The following MYO18B variants were observed in gnomAD, a reference collection of about 807,000 sequenced individuals.
The protein encoded by MYO18B is myosin XVIIIB.
MYO18B carries 204 observed loss-of-function variants against 273.0 expected under a neutral mutation model. That is an observed-to-expected ratio of 0.75 (90% CI 0.67 to 0.84). MYO18B has a LOEUF of 0.84. Among genes scored for constraint, MYO18B ranks in the 40% least tolerant of loss-of-function variants. The pLI is 0.00. For synonymous variants in MYO18B, 1,330 were observed against 1,305.7 expected (o/e 1.02, Z -0.40); for missense variants, 3,212 against 3,287.6 (o/e 0.98, Z 0.56).
chr22:25,753,115 C>T (rs999288605), intron 1 of MYO18B, among the ~76,000 whole-genome samples: 1 of 152,218 alleles, frequency 6.6e-6, no homozygotes, highest in African/African-American at 2.4e-5. Context: ...CGGCCAGAGC[C>T]TCCACGGCAC....
intron 39 of MYO18B, among the ~76,000 whole-genome samples, chr22:25,963,600 G>T (rs1435735128): frequency 6.7e-6 from 1 of 149,290 alleles, no homozygotes; most frequent in Non-Finnish European, 1.5e-5. Flanking sequence ...TCCCAATAAG[G>T]TCCCATTCTG....
chr22:25,851,149 T>C (rs1431175553), intron 20 of MYO18B, among the ~76,000 whole-genome samples: 2 of 152,128 alleles, frequency 1.3e-5, no homozygotes, highest in South Asian at 2.1e-4. Context: ...CCTGCATGAG[T>C]TCTCAGAGCC....
intron 11 of MYO18B, among the ~76,000 whole-genome samples, chr22:25,790,625 T>C (rs1201678302): frequency 6.6e-6 from 1 of 152,234 alleles, no homozygotes; most frequent in African/African-American, 2.4e-5. Context: ...TAAAGGTATG[T>C]TGAGTAAATA....
chr22:25,819,003 C>A (rs1300659227), intron 12 of MYO18B, among the ~76,000 whole-genome samples: 1 of 152,096 alleles, frequency 6.6e-6, no homozygotes, highest in African/African-American at 2.4e-5. Context: ...TGTTATTGCC[C>A]AGTTCCTTTT....
chr22:25,775,844 T>G (rs1569001255), intron 7 of MYO18B, among the ~76,000 whole-genome samples: 2 of 151,502 alleles, frequency 1.3e-5, no homozygotes, highest in Non-Finnish European at 2.9e-5. Flanking sequence ...CGATCATCTC[T>G]GTCTTCCCAC....
chr22:25,986,151 T>C (rs2093200339), intron 39 of MYO18B, among the ~76,000 whole-genome samples: 1 of 152,234 alleles, frequency 6.6e-6, no homozygotes, highest in Admixed American at 6.5e-5. Flanking sequence ...AGCTTAGCTC[T>C]AGATCTTTTC....
chr22:25,763,046 C>T (rs766424039), intron 2 of MYO18B, 185 bp from the exon 3 acceptor site: 15 of 768,888 alleles, frequency 2.0e-5, no homozygotes, highest in African/African-American at 3.4e-5. Context: ...CATTTTCATG[C>T]GCTGTCTCAG....
intron 38 of MYO18B, among the ~76,000 whole-genome samples, chr22:25,954,561 T>C (rs1029127450): frequency 2.0e-5 from 3 of 152,098 alleles, no homozygotes; most frequent in Non-Finnish European, 4.4e-5. Context: ...ACAGGTACTA[T>C]CATCATCCCT....
At chr22:25,984,627 A>AAAT (rs34901412) in intron 39 of MYO18B, among the ~76,000 whole-genome samples, 8 of 150,508 alleles carry the variant, frequency 5.3e-5, no homozygotes, top group South Asian at 4.2e-4. Context: ...CTGTTTCTAC[A>AAAT]AATAATAATA....
chr22:25,989,786 A>T (rs2093244370), intron 39 of MYO18B, among the ~76,000 whole-genome samples: 1 of 151,416 alleles, frequency 6.6e-6, no homozygotes, highest in Admixed American at 6.6e-5. Context: ...AAAAAAAAAA[A>T]AAGAGTGGAG....
chr22:25,894,940 G>A, intron 27 of MYO18B: 1 of 532,282 alleles, frequency 1.9e-6, no homozygotes, highest in East Asian at 3.2e-5. Context: ...AAGAACTTTA[G>A]ACAGTTGGAG....
At chr22:26,013,252 A>G (rs1261715075) in intron 42 of MYO18B, among the ~76,000 whole-genome samples, 2 of 152,142 alleles carry the variant, frequency 1.3e-5, no homozygotes, top group Non-Finnish European at 2.9e-5. Flanking sequence ...ATGTCTGGAG[A>G]CATTTTTGGC....
chr22:26,040,884 G>T, the MYO18B span, among the ~76,000 whole-genome samples: 1 of 152,202 alleles, frequency 6.6e-6, no homozygotes, highest in Non-Finnish European at 1.5e-5. Flanking sequence ...TTGTAAAAAT[G>T]TTGGCTTTAA....
rs367982269 is a variant in MYO18B, at chr22:25,955,247, C to A, written c.6039C>A (p.Ser2013=). The A allele has an allele frequency of 1.9e-6, 3 of 1,613,624 alleles. No homozygotes were observed. Among genetic ancestry groups the A allele is most frequent in the Non-Finnish European group, 2.5e-6 (3 of 1,179,800 alleles). The part of the protein sequence containing the change: ...MGEELSQAAT[S]ESQQRESSQY... ...AGGAGCTTTCACAGGCGGCCACCTC[C>A]GAGTCCCAGCAGCGGGAGAGCAGCC... Residue 2013 remains serine, a synonymous_variant, in exon 39 of 44, where the codon TCC becomes TCA. Coordinates refer to ENST00000335473, the MANE Select transcript of MYO18B (RefSeq NM_032608.7).
At chr22:25,930,366 G>A (rs757804603) in intron 34 of MYO18B, among the ~76,000 whole-genome samples, 1 of 151,766 alleles carries the variant, frequency 6.6e-6, no homozygotes, top group Non-Finnish European at 1.5e-5. Context: ...CTTAGCCAAA[G>A]TCACAAAGGT....
intron 28 of MYO18B, 122 bp from the exon 29 acceptor site, chr22:25,898,185 C>T: frequency 8.9e-7 from 1 of 1,127,030 alleles, no homozygotes; most frequent in Non-Finnish European, 1.2e-6. Flanking sequence ...ACAGGGTCTC[C>T]CCATTCCAGC....
chr22:25,934,786 G>A (rs2092555536), intron 34 of MYO18B, among the ~76,000 whole-genome samples: 1 of 152,198 alleles, frequency 6.6e-6, no homozygotes, highest in Admixed American at 6.5e-5. Context: ...ATCTCAGTGA[G>A]CAGAGGGATG....
chr22:25,813,119 T>G (rs1345836273), intron 12 of MYO18B, among the ~76,000 whole-genome samples: 1 of 146,718 alleles, frequency 6.8e-6, no homozygotes, highest in Admixed American at 6.8e-5. Flanking sequence ...TTCCTCCACT[T>G]CTCCCTTCCC....
chr22:25,868,322 C>T lies in MYO18B; in HGVS notation c.3888C>T (p.Ala1296=), dbSNP rs77153327. 1.3e-3 allele frequency: 2,145 copies of T among 1,600,938 alleles called. 30 individuals carry two copies. The African/African-American group carries it at 0.025, about 19-fold the overall frequency. The change falls in exon 22 of 44, where the codon GCC becomes GCT. Residue 1296 remains alanine (A), a splice_region_variant and synonymous_variant. Coordinates refer to ENST00000335473, the MANE Select transcript of MYO18B (RefSeq NM_032608.7). ...CTTCTCTCTAATTTTTTCCCCAGGC[C>T]GTGGAGGAGCTCCTGGAGACCCTGG... The part of the protein sequence containing the change: ...STSEGIDERK[A]VEELLETLDL...
Sources: allele counts gnomAD v4.1 joint callset (sites outside exome capture counted in the v4.1 genomes callset), GRCh38; gene constraint gnomAD v4.1.1; transcripts MANE v1.5; gene names NCBI Gene and HGNC (gene_info 2026-07-23, HGNC 2026-07-21).